The following GALNT17 variants were observed in gnomAD, a reference collection of about 807,000 sequenced individuals.
GALNT17 encodes polypeptide N-acetylgalactosaminyltransferase 17, also known as UDP-GalNAc:polypeptide N-acetylgalactosaminyltransferase-like 3.
A neutral mutation model predicts 63.7 loss-of-function variants in GALNT17; 29 were observed. That is an observed-to-expected ratio of 0.46 (90% CI 0.34 to 0.62). GALNT17 has a LOEUF of 0.62. GALNT17 is among the 20% of genes least tolerant of loss of function. The pLI is 0.01. For synonymous variants in GALNT17, 305 were observed against 318.3 expected (o/e 0.96, Z 0.45); for missense variants, 603 against 799.6 (o/e 0.75, Z 2.97).
intron 6 of GALNT17, among the ~76,000 whole-genome samples, chr7:71,658,201 TG>T (rs1225837946): frequency 1.3e-5 from 2 of 152,206 alleles, no homozygotes; most frequent in Non-Finnish European, 2.9e-5. Context: ...GCCACTGCGC[TG>T]GGCCTAGTGA....
intron 1 of GALNT17, among the ~76,000 whole-genome samples, chr7:71,255,553 G>T (rs1489298852): frequency 6.6e-6 from 1 of 152,232 alleles, no homozygotes; most frequent in Non-Finnish European, 1.5e-5. Context: ...TGCCTCCCCT[G>T]AAGGAGTTTG....
intron 1 of GALNT17, among the ~76,000 whole-genome samples, chr7:71,263,651 C>T (rs142537130): frequency 2.6e-4 from 40 of 152,198 alleles, no homozygotes; most frequent in African/African-American, 6.0e-4. Context: ...TGGCCGGGAG[C>T]GGTGGCTCAT....
chr7:71,645,508 C>T lies in GALNT17; in HGVS notation c.1081-19903C>T, dbSNP rs573091286. Among the ~76,000 whole-genome samples, 54 of 152,284 alleles carry T rather than the reference C, an allele frequency of 3.5e-4. No homozygotes were observed. In the South Asian group the frequency reaches 0.011, roughly 30 times the overall value. ...CATGATTGTAAGTTTCCTGAGGCTT[C>T]CCCAGCCATGCAGAACTCTGAGTCA... On this transcript the variant is annotated intron_variant, in intron 6 of 10. Transcript: ENST00000333538.
chr7:71,710,641 GC>G, intron 9 of GALNT17, 119 bp from the exon 10 acceptor site: 1 of 1,160,532 alleles, frequency 8.6e-7, no homozygotes, highest in Non-Finnish European at 1.2e-6. Context: ...TGGGATGGTG[GC>G]CAGGACTGCA....
At chr7:71,606,668 G>A (rs534391812) in intron 6 of GALNT17, among the ~76,000 whole-genome samples, 111 of 152,274 alleles carry the variant, frequency 7.3e-4, no homozygotes, top group Middle Eastern at 3.4e-3. Context: ...CCTGTGATGA[G>A]TGAATATTTC....
chr7:71,207,153 C>G (rs1389882847), intron 1 of GALNT17, among the ~76,000 whole-genome samples: 1 of 151,954 alleles, frequency 6.6e-6, no homozygotes, highest in African/African-American at 2.4e-5. Flanking sequence ...ACCAGCCTCA[C>G]TTTTTGCTTT....
At chr7:71,516,378 A>G (rs906848501) in intron 5 of GALNT17, among the ~76,000 whole-genome samples, 1 of 152,190 alleles carries the variant, frequency 6.6e-6, no homozygotes. Context: ...CTTGAGTCAC[A>G]CTTTTTCGGA....
At chr7:71,524,288 G>T in intron 5 of GALNT17, among the ~76,000 whole-genome samples, 3 of 145,564 alleles carry the variant, frequency 2.1e-5, no homozygotes, top group African/African-American at 5.0e-5. Flanking sequence ...TATCATATTA[G>T]TATATTGATA....
chr7:71,180,478 A>C (rs117425973), intron 1 of GALNT17, among the ~76,000 whole-genome samples: 1 of 152,168 alleles, frequency 6.6e-6, no homozygotes, highest in Admixed American at 6.5e-5. Flanking sequence ...ATGGTGGGAA[A>C]GAAGGCTCCT....
chr7:71,340,274 C>A (rs1450474104), intron 2 of GALNT17, among the ~76,000 whole-genome samples: 2 of 152,148 alleles, frequency 1.3e-5, no homozygotes, highest in Admixed American at 1.3e-4. Flanking sequence ...GAGGTTTACT[C>A]CCTAGAGAAG....
intron 6 of GALNT17, among the ~76,000 whole-genome samples, chr7:71,586,574 T>G (rs1407052189): frequency 2.6e-5 from 4 of 152,210 alleles, no homozygotes; most frequent in Non-Finnish European, 5.9e-5. Flanking sequence ...TGTTCAACTT[T>G]TAAAGAAACT....
intron 1 of GALNT17, among the ~76,000 whole-genome samples, chr7:71,211,399 C>A (rs547794835): frequency 6.6e-6 from 1 of 152,322 alleles, no homozygotes; most frequent in Non-Finnish European, 1.5e-5. Context: ...GAGGCTTCCC[C>A]AGCCATGTGG....
At chr7:71,429,602 G>A (rs1036562787) in intron 5 of GALNT17, among the ~76,000 whole-genome samples, 6 of 152,262 alleles carry the variant, frequency 3.9e-5, no homozygotes, top group East Asian at 1.9e-4. Context: ...GAGTGCAGTG[G>A]TGAGATCATA....
At chr7:71,603,988 A>G (rs143366177) in intron 6 of GALNT17, among the ~76,000 whole-genome samples, 1 of 121,346 alleles carries the variant, frequency 8.2e-6, no homozygotes, top group Non-Finnish European at 2.0e-5. Context: ...ACCAGGTCCT[A>G]TGCTAAGTGC....
intron 2 of GALNT17, among the ~76,000 whole-genome samples, chr7:71,380,756 G>T (rs1792830171): frequency 6.6e-6 from 1 of 151,946 alleles, no homozygotes; most frequent in African/African-American, 2.4e-5. Flanking sequence ...AGGATGCAGG[G>T]GTCAGCCTTG....
chr7:71,511,841 G>A (rs777525159), intron 5 of GALNT17, among the ~76,000 whole-genome samples: 4 of 152,030 alleles, frequency 2.6e-5, no homozygotes, highest in Admixed American at 6.6e-5. Context: ...CCCTTCTCTT[G>A]TCATATTTCC....
intron 5 of GALNT17, among the ~76,000 whole-genome samples, chr7:71,485,944 G>T (rs1412500279): frequency 1.3e-5 from 2 of 152,114 alleles, no homozygotes; most frequent in Non-Finnish European, 2.9e-5. Flanking sequence ...GAGCAAAATG[G>T]TGTTTTACTG....
intron 6 of GALNT17, among the ~76,000 whole-genome samples, chr7:71,575,800 C>T (rs185703908): frequency 2.0e-5 from 3 of 152,094 alleles, no homozygotes; most frequent in East Asian, 3.9e-4. Flanking sequence ...GTCAGAAGAA[C>T]ACAAGAATAG....
At chr7:71,463,769 G>T (rs896563564) in intron 5 of GALNT17, among the ~76,000 whole-genome samples, 2 of 152,162 alleles carry the variant, frequency 1.3e-5, no homozygotes, top group African/African-American at 4.8e-5. Context: ...TCATGGAGCT[G>T]GTAGGAGTGT....
Sources: allele counts gnomAD v4.1 joint callset (sites outside exome capture counted in the v4.1 genomes callset), GRCh38; gene constraint gnomAD v4.1.1; transcripts MANE v1.5; gene names NCBI Gene and HGNC (gene_info 2026-07-23, HGNC 2026-07-21).